Variants in NCOR1 observed in about 807,000 individuals in gnomAD.
NCOR1 encodes the protein nuclear receptor corepressor 1, also known as protein phosphatase 1, regulatory subunit 109.
In NCOR1, 63 loss-of-function variants were observed where a neutral mutation model predicts 288.1. That is an observed-to-expected ratio of 0.22 (90% CI 0.18 to 0.27). The LOEUF (loss-of-function observed/expected upper bound fraction) is 0.27, where lower values mean the gene tolerates loss of function less well. NCOR1 is among the 10% of genes least tolerant of loss of function. The probability of loss-of-function intolerance (pLI) is 1.00; values close to 1 mark genes in which losing one functional copy is unlikely to be tolerated. For synonymous variants in NCOR1, 1,007 were observed against 1,065.9 expected (o/e 0.94, Z 1.08); for missense variants, 2,397 against 3,019.2 (o/e 0.79, Z 4.83).
At position 16,073,417 on chromosome 17, in the gene NCOR1, A is replaced by G; in HGVS notation, c.3811+12T>C. The G allele has an allele frequency of 6.4e-7, 1 of 1,556,348 alleles. No homozygotes were observed. Among genetic ancestry groups the G allele is most frequent in the Admixed American group, 2.0e-5 (1 of 49,334 alleles). On this transcript the variant is annotated intron_variant, in intron 28 of 45. Coordinates refer to ENST00000268712, the MANE Select transcript of NCOR1 (RefSeq NM_006311.4). ...CATGTATCAAAATAACATTCTGAAA[A>G]CAATGCTTTACCCTCTAACGGTGCT... is the stretch of plus-strand genomic sequence containing the variant.
At position 16,146,299 on chromosome 17, in the gene NCOR1, T is replaced by TA. The variant is rs1263530001; in HGVS notation, c.1082+76dup. 7 of 1,394,456 alleles carry TA rather than the reference T, an allele frequency of 5.0e-6. No homozygotes were observed. In the Admixed American group the frequency reaches 9.0e-5, roughly 18 times the overall value. The allele number at this position is 1,394,456 out of a possible 1,614,324, so 86.4% of individuals were successfully genotyped here. A position where few individuals can be genotyped will look rare whatever the true frequency, so the allele number is the denominator to read the frequency against. ...ACACCCAAGAATGATCAATACATAC[T>TA]AAAAAAATTTTTAAAAAAAAGAAAC... On this transcript the variant is annotated intron_variant, in intron 10 of 45. Coordinates refer to ENST00000268712, the MANE Select transcript of NCOR1 (RefSeq NM_006311.4).
At chr17:16,069,472 A>G (rs1298412024) in intron 31 of NCOR1, among the ~76,000 whole-genome samples, 1 of 152,214 alleles carries the variant, frequency 6.6e-6, no homozygotes, top group Non-Finnish European at 1.5e-5. Flanking sequence ...AAAAATGGTA[A>G]GTGGATGCAT....
At chr17:16,122,225 G>A (rs1038339349) in intron 15 of NCOR1, among the ~76,000 whole-genome samples, 2 of 152,094 alleles carry the variant, frequency 1.3e-5, no homozygotes, top group African/African-American at 4.8e-5. Context: ...TTAAGGAAAC[G>A]TACTCAATGT....
chr17:16,075,150 G>A lies in NCOR1; in HGVS notation c.3670+384C>T, dbSNP rs141663535. On this transcript the variant is annotated intron_variant, in intron 27 of 45. Coordinates refer to ENST00000268712, the MANE Select transcript of NCOR1 (RefSeq NM_006311.4). Reference sequence around the variant, plus strand: ...CCCAAAGTACTGGGATTAGATAGTAGATAGGCGTGAACCACCGCGCCCAGC... The same window carrying A: ...CCCAAAGTACTGGGATTAGATAGTAAATAGGCGTGAACCACCGCGCCCAGC... Among the ~76,000 whole-genome samples, 576 of 152,230 alleles carry A rather than the reference G, an allele frequency of 3.8e-3. 6 individuals carry two copies. The highest frequency in any genetic ancestry group is 0.034 in the Middle Eastern group (10 of 294).
chr17:16,080,566 C>T lies in NCOR1; in HGVS notation c.3298+41G>A, dbSNP rs758435687. ...CAGTACTAAATTACTGGCTGTGATG[C>T]TACAAACGTAGATGCATTATGACTG... On this transcript the variant is annotated intron_variant, in intron 24 of 45. Transcript: ENST00000268712. 13 of 1,613,862 alleles carry T rather than the reference C, an allele frequency of 8.1e-6. No individual in the cohort carries two copies. The Admixed American group carries it at 2.0e-4, about 25-fold the overall frequency.
intron 18 of NCOR1, among the ~76,000 whole-genome samples, chr17:16,113,857 C>T (rs1194528087): frequency 3.3e-5 from 5 of 151,922 alleles, no homozygotes; most frequent in Admixed American, 6.5e-5. Flanking sequence ...CATGCCACTG[C>T]ACTCCAGCCT....
chr17:16,054,620 T>C (rs1448302694), intron 40 of NCOR1, among the ~76,000 whole-genome samples: 1 of 151,902 alleles, frequency 6.6e-6, no homozygotes. Context: ...AAGCTCAATA[T>C]CACTGATCAT....
intron 21 of NCOR1, among the ~76,000 whole-genome samples, chr17:16,095,458 C>T (rs2066313261): frequency 6.8e-6 from 1 of 146,572 alleles, no homozygotes; most frequent in Non-Finnish European, 1.5e-5. Flanking sequence ...CAGCCCCCCG[C>T]CCGGCCAGCC....
intron 14 of NCOR1, among the ~76,000 whole-genome samples, chr17:16,136,821 A>AG (rs201314008): frequency 0.35 from 47,958 of 137,984 alleles, 10,050 homozygotes; most frequent in Middle Eastern, 0.5. Flanking sequence ...AAAAAAAAAA[A>AG]AAAAAAAGAA....
chr17:16,029,977 G>A lies in NCOR1; in HGVS notation c.*2319C>T, dbSNP rs1971789759. 1 of 163,890 alleles carries A rather than the reference G, an allele frequency of 6.1e-6. No homozygotes were observed. Among genetic ancestry groups the A allele is most frequent in the South Asian group, 2.0e-4 (1 of 4,896 alleles). 10.2% of individuals were successfully genotyped at this position (163,890 alleles called of 1,614,324 possible). ...TACGGTTGACCTTCAAATAATGCAG[G>A]AGTTAGGGGCATAGACCCCCTAAGT... On this transcript the variant is annotated 3_prime_UTR_variant, in exon 46 of 46. Coordinates refer to ENST00000268712, the MANE Select transcript of NCOR1 (RefSeq NM_006311.4).
rs1236338142 is a variant in NCOR1 at position 16,215,375 on chromosome 17, A to AGCGTGGGAGCCG, written c.-96_-85dup. On this transcript the variant is annotated 5_prime_UTR_variant, in exon 1 of 46. Transcript: ENST00000268712. ...GGGCCTACTCACCGGGAGCTGGCTAAGCGTGGGAGCCGACGTGCGCCCCGG... is the reference window on the plus strand; with the variant it reads ...GGGCCTACTCACCGGGAGCTGGCTAAGCGTGGGAGCCGGCGTGGGAGCCGACGTGCGCCCCGG... The AGCGTGGGAGCCG allele has an allele frequency of 1.3e-5, 5 of 394,654 alleles. No individual in the cohort carries two copies. The highest frequency in any genetic ancestry group is 8.9e-5 in the Admixed American group (2 of 22,564). 24.4% of individuals were successfully genotyped at this position (394,654 alleles called of 1,614,324 possible).
chr17:16,071,265 GAA>G (rs369346520), intron 30 of NCOR1, 142 bp downstream of exon 30: 1,884 of 1,003,132 alleles, frequency 1.9e-3, no homozygotes, highest in South Asian at 2.5e-3. Flanking sequence ...GTCCACAGAG[GAA>G]AAAAAAAAAA....
At chr17:16,128,821 C>T (rs1448687525) in intron 14 of NCOR1, among the ~76,000 whole-genome samples, 1 of 152,174 alleles carries the variant, frequency 6.6e-6, no homozygotes, top group African/African-American at 2.4e-5. Context: ...AGGCCTTATT[C>T]ACCTCCCCAA....
chr17:16,152,637 A>G (rs1035348299), intron 7 of NCOR1, among the ~76,000 whole-genome samples: 1 of 152,228 alleles, frequency 6.6e-6, no homozygotes, highest in Non-Finnish European at 1.5e-5. Flanking sequence ...TCTTTACAGT[A>G]GCATGATTTA....
chr17:16,093,864 T>C (rs1171380382), intron 21 of NCOR1, among the ~76,000 whole-genome samples: 1 of 152,208 alleles, frequency 6.6e-6, no homozygotes, highest in African/African-American at 2.4e-5. Flanking sequence ...TTTAACCTAA[T>C]AGAGCATCGC....
chr17:16,056,973 G>A (rs1340365068), intron 40 of NCOR1: 2 of 152,002 alleles, frequency 1.3e-5, no homozygotes, highest in Non-Finnish European at 2.9e-5. Context: ...AAATGCAGAA[G>A]CAAGCAAACA....
chr17:16,204,900 C>T (rs771627417), intron 1 of NCOR1, among the ~76,000 whole-genome samples: 2 of 152,142 alleles, frequency 1.3e-5, no homozygotes, highest in African/African-American at 2.4e-5. Context: ...AAAAGAATAG[C>T]TAGGGGGATA....
chr17:16,055,845 G>A (rs1210599643), intron 40 of NCOR1, among the ~76,000 whole-genome samples: 1 of 152,054 alleles, frequency 6.6e-6, no homozygotes, highest in Non-Finnish European at 1.5e-5. Context: ...GGCTGAAAGG[G>A]AATAAATGTG....
chr17:16,112,229 T>A (rs997162493), intron 18 of NCOR1, among the ~76,000 whole-genome samples: 2 of 152,212 alleles, frequency 1.3e-5, no homozygotes, highest in Non-Finnish European at 2.9e-5. Flanking sequence ...CTCAAAACAT[T>A]TTGGATGTTA....
Sources: allele counts gnomAD v4.1 joint callset (sites outside exome capture counted in the v4.1 genomes callset), GRCh38; gene constraint gnomAD v4.1.1; transcripts MANE v1.5; gene names NCBI Gene and HGNC (gene_info 2026-07-23, HGNC 2026-07-21).